The following PBLD variants were observed in gnomAD, a reference collection of about 807,000 sequenced individuals.
PBLD encodes the protein phenazine biosynthesis like protein domain containing, also known as phenazine biosynthesis-like domain-containing protein.
PBLD carries 26 observed loss-of-function variants against 31.3 expected under a neutral mutation model. That is an observed-to-expected ratio of 0.83 (90% confidence interval 0.61 to 1.15). The LOEUF is 1.15. Ranked by LOEUF, PBLD falls within the 50% of genes most tolerant of loss-of-function variation. The pLI, the probability that PBLD is intolerant of heterozygous loss-of-function variation, is 0.00. For synonymous variants in PBLD, 114 were observed against 129.0 expected (o/e 0.88, Z 0.79); for missense variants, 307 against 351.7 (o/e 0.87, Z 1.02).
In PBLD at chr10:68,309,406, CA is replaced by C. The variant is rs58152894; in HGVS notation, c.-59-2504del. Among the ~76,000 whole-genome samples, 688 of 114,694 alleles carry C rather than the reference CA, an allele frequency of 6.0e-3. 9 individuals are homozygous for C. Among genetic ancestry groups the C allele is most frequent in the African/African-American group, 0.023 (603 of 26,198 alleles). 75.2% of individuals were successfully genotyped at this position (114,694 alleles called of 152,430 possible). On this transcript the variant is annotated intron_variant, in intron 1 of 9. Transcript: ENST00000358769. The stretch of plus-strand genomic sequence containing the variant: ...TAGACAACAGAGTGAGATTATGTTT[CA>C]AAAAAAAAAAAAAAAAAAAGAACCC...
At chr10:68,315,106 G>A (rs933163615) in intron 1 of PBLD, among the ~76,000 whole-genome samples, 5 of 152,056 alleles carry the variant, frequency 3.3e-5, no homozygotes, top group Admixed American at 6.6e-5. Context: ...TGTCTTTATT[G>A]ACCTGAGTCA....
intron 2 of PBLD, 90 bp downstream of exon 2, chr10:68,306,671 C>G (rs1445998011): frequency 8.2e-7 from 1 of 1,214,102 alleles, no homozygotes; most frequent in Non-Finnish European, 1.2e-6. Flanking sequence ...AAGAGGTAAA[C>G]AAACAGGTGA....
chr10:68,286,263 T>C (rs747434491), intron 8 of PBLD, among the ~76,000 whole-genome samples: 1 of 151,614 alleles, frequency 6.6e-6, no homozygotes, highest in Non-Finnish European at 1.5e-5. Flanking sequence ...AATTTTTGTA[T>C]TTTTAGTGTA....
Position 68,296,912 on chromosome 10 carries a change from A to G in PBLD, c.158T>C (p.Leu53Pro), listed in dbSNP as rs1481849185. Reference protein sequence around the residue: ...NLSETAFIRKLHPTDNFAQSS... With the variant: ...NLSETAFIRKPHPTDNFAQSS... ...TTGTGCAAAGTTGTCTGTCGGGTGC[A>G]GTTTTCGGATAAAAGCAGTTTCAGA... Residue 53 changes from leucine (L) to proline (P), a missense_variant, in exon 3 of 10, where the codon CTG becomes CCG. Coordinates refer to ENST00000358769, the MANE Select transcript of PBLD (RefSeq NM_022129.4). The G allele has an allele frequency of 1.2e-6, 2 of 1,613,872 alleles. No homozygotes were observed. The highest frequency in any genetic ancestry group is 1.7e-6 in the Non-Finnish European group (2 of 1,179,820).
intron 5 of PBLD, 31 bp downstream of exon 5, chr10:68,292,088 CGGTTGTAGAT>C (rs2044366407): frequency 3.1e-6 from 5 of 1,598,936 alleles, no homozygotes; most frequent in Non-Finnish European, 4.3e-6. Context: ...GGAGAGCTGT[CGGTTGTAGAT>C]GGCTTAGGGC....
intron 4 of PBLD, 51 bp from the exon 5 acceptor site, chr10:68,292,289 G>A (rs192929301): frequency 3.1e-5 from 45 of 1,445,092 alleles, no homozygotes; most frequent in African/African-American, 9.8e-5. Flanking sequence ...TCATATATGC[G>A]CATGTCCATT....
intron 4 of PBLD, among the ~76,000 whole-genome samples, chr10:68,295,011 C>T (rs1402505081): frequency 6.6e-6 from 1 of 152,162 alleles, no homozygotes; most frequent in African/African-American, 2.4e-5. Flanking sequence ...TTGTTTGTGG[C>T]TGCTTCCATC....
At chr10:68,286,971 TA>T (rs1436329086) in intron 8 of PBLD, 1 of 151,976 alleles carries the variant, frequency 6.6e-6, no homozygotes, top group Non-Finnish European at 1.5e-5. Flanking sequence ...CTACTTAAAA[TA>T]CAAAAAATTA....
At chr10:68,302,186 C>T (rs917634300) in intron 2 of PBLD, among the ~76,000 whole-genome samples, 3 of 152,328 alleles carry the variant, frequency 2.0e-5, no homozygotes, top group Non-Finnish European at 4.4e-5. Context: ...CAGTTACAAA[C>T]CAACAGCTAT....
intron 1 of PBLD, among the ~76,000 whole-genome samples, chr10:68,325,492 G>C (rs2044904774): frequency 6.6e-6 from 1 of 152,162 alleles, no homozygotes; most frequent in Admixed American, 6.5e-5. Context: ...CTGAACCTGG[G>C]AGGCAAAGAT....
chr10:68,332,361 C>T (rs1325582868), intron 1 of PBLD: 3 of 152,086 alleles, frequency 2.0e-5, no homozygotes, highest in Non-Finnish European at 4.4e-5. Context: ...CGGGGCTGCG[C>T]CTCCCCGACC....
chr10:68,284,412 G>T (rs753969355), intron 9 of PBLD, 123 bp from the exon 10 acceptor site: 3 of 814,434 alleles, frequency 3.7e-6, no homozygotes, highest in Non-Finnish European at 5.8e-6. Context: ...AAATTCCTTC[G>T]TCTGTTTATG....
intron 1 of PBLD, among the ~76,000 whole-genome samples, chr10:68,328,438 T>C (rs2044958903): frequency 6.6e-6 from 1 of 152,200 alleles, no homozygotes; most frequent in South Asian, 2.1e-4. Context: ...CTCCTCTTCA[T>C]CCTGATGGTG....
At chr10:68,317,059 T>C (rs921626590) in intron 1 of PBLD, among the ~76,000 whole-genome samples, 1 of 152,056 alleles carries the variant, frequency 6.6e-6, no homozygotes, top group Non-Finnish European at 1.5e-5. Context: ...AAGAGAGACA[T>C]AACTCATCAT....
At chr10:68,299,914 A>C (rs927365172) in intron 2 of PBLD, among the ~76,000 whole-genome samples, 1 of 151,844 alleles carries the variant, frequency 6.6e-6, no homozygotes, top group African/African-American at 2.4e-5. Flanking sequence ...TTTTTGAGAC[A>C]GAGTCTCGCT....
intron 9 of PBLD, 73 bp from the exon 10 acceptor site, chr10:68,284,362 A>T: frequency 2.3e-6 from 3 of 1,318,864 alleles, no homozygotes; most frequent in Non-Finnish European, 3.2e-6. Flanking sequence ...TGAAAGACTT[A>T]TTACAAATCT....
At chr10:68,289,685 A>T (rs951047695) in intron 6 of PBLD, among the ~76,000 whole-genome samples, 5 of 149,652 alleles carry the variant, frequency 3.3e-5, no homozygotes, top group African/African-American at 1.3e-4. Flanking sequence ...ACACACACAC[A>T]CACACACATA....
rs752941043 is a variant in PBLD, at chr10:68,292,010, C to G, written c.423G>C (p.Lys141Asn). The G allele has an allele frequency of 2.5e-6, 4 of 1,584,728 alleles. No homozygotes were observed. The highest frequency in any genetic ancestry group is 3.5e-6 in the Non-Finnish European group (4 of 1,153,480). Residue 141 changes from lysine (K) to asparagine (N), a missense_variant and splice_region_variant, in exon 6 of 10, where the codon AAG becomes AAC. By Grantham distance (94) the Lys-to-Asn change is moderately conservative. Transcript: ENST00000358769. Reference protein sequence around the residue: ...QDFHEVEDLIKTAIGNTLVQD... With the variant: ...QDFHEVEDLINTAIGNTLVQD... ...CTCAGGTTTGATTCTTTTTACCAAC[C>G]TTTATCAAGTCCTCTACTTCATGGA... is the stretch of plus-strand genomic sequence containing the variant.
chr10:68,332,437 A>T (rs1220431403), intron 1 of PBLD, among the ~76,000 whole-genome samples: 1 of 152,144 alleles, frequency 6.6e-6, no homozygotes, highest in Admixed American at 6.5e-5. Context: ...TCAGTGGACG[A>T]CGCCGAGGCC....
Sources: gnomAD v4.1 joint callset for allele counts (sites outside exome capture counted in the v4.1 genomes callset) on GRCh38, gnomAD v4.1.1 for gene constraint, MANE v1.5 for transcripts, NCBI Gene and HGNC (gene_info 2026-07-23, HGNC 2026-07-21) for gene names.